Variants in CTNND2 observed in about 807,000 individuals in gnomAD.
CTNND2 encodes catenin delta 2.
CTNND2 carries 22 observed loss-of-function variants against 144.4 expected under a neutral mutation model. The observed-to-expected ratio is 0.15, with a 90% CI of 0.11 to 0.22. The LOEUF is 0.22. Ranked by LOEUF, CTNND2 falls within the 10% of genes least tolerant of loss-of-function variation. CTNND2 has a pLI of 1.00. For synonymous variants in CTNND2, 751 were observed against 695.6 expected, an observed-to-expected ratio of 1.08 and a Z score of -1.25; for missense variants, 1,353 against 1,618.8, an observed-to-expected ratio of 0.84 and a Z score of 2.82.
intron 3 of CTNND2, among the ~76,000 whole-genome samples, chr5:11,492,949 G>A (rs1554070624): frequency 1.3e-5 from 2 of 151,910 alleles, no homozygotes; most frequent in Admixed American, 6.6e-5. Context: ...GTGGGTGCCT[G>A]TAATCCCAGA....
intron 10 of CTNND2, among the ~76,000 whole-genome samples, chr5:11,226,894 T>C (rs755634414): frequency 1.1e-4 from 16 of 152,358 alleles, no homozygotes; most frequent in Non-Finnish European, 2.2e-4. Flanking sequence ...TCAGTGATTA[T>C]CTGTTGAATA....
At chr5:11,493,882 A>G (rs1048386519) in intron 3 of CTNND2, among the ~76,000 whole-genome samples, 1 of 152,200 alleles carries the variant, frequency 6.6e-6, no homozygotes, top group Non-Finnish European at 1.5e-5. Flanking sequence ...GAAAAAGGTT[A>G]AGGATATGAA....
At chr5:11,142,094 C>T (rs1756789909) in intron 12 of CTNND2, among the ~76,000 whole-genome samples, 1 of 152,120 alleles carries the variant, frequency 6.6e-6, no homozygotes, top group Admixed American at 6.5e-5. Flanking sequence ...TACTTCCCAG[C>T]CTCCAGATAC....
chr5:11,720,396 C>G (rs74507590), intron 2 of CTNND2, among the ~76,000 whole-genome samples: 2,147 of 152,258 alleles, frequency 0.014, 28 homozygotes, highest in African/African-American at 0.022. Flanking sequence ...AGATTCATAT[C>G]TGGCACAAGA....
chr5:11,121,549 A>C (rs957608385), intron 12 of CTNND2, among the ~76,000 whole-genome samples: 5 of 152,186 alleles, frequency 3.3e-5, no homozygotes, highest in South Asian at 2.1e-4. Flanking sequence ...TGGATTCTAT[A>C]ATCTTTTTAT....
intron 6 of CTNND2, among the ~76,000 whole-genome samples, chr5:11,391,399 C>A (rs1015352412): frequency 6.6e-6 from 1 of 152,134 alleles, no homozygotes; most frequent in East Asian, 1.9e-4. Flanking sequence ...GAAGAAATCA[C>A]CAACTCCAAA....
intron 10 of CTNND2, among the ~76,000 whole-genome samples, chr5:11,201,594 G>C (rs1028331979): frequency 6.6e-6 from 1 of 152,174 alleles, no homozygotes; most frequent in East Asian, 1.9e-4. Context: ...GAAATCTTCA[G>C]AGCACTCTTG....
At chr5:11,450,028 C>T (rs1765158802) in intron 3 of CTNND2, among the ~76,000 whole-genome samples, 1 of 152,228 alleles carries the variant, frequency 6.6e-6, no homozygotes, top group Admixed American at 6.5e-5. Context: ...TTAGAATAAA[C>T]TGAGTGCAAG....
intron 9 of CTNND2, among the ~76,000 whole-genome samples, chr5:11,281,638 T>C (rs185891811): frequency 1.2e-4 from 18 of 152,358 alleles, no homozygotes; most frequent in African/African-American, 4.1e-4. Context: ...GAGATCACAG[T>C]GTCAACAGAT....
intron 15 of CTNND2, among the ~76,000 whole-genome samples, chr5:11,089,413 A>G (rs1033342142): frequency 1.3e-4 from 20 of 152,248 alleles, no homozygotes; most frequent in African/African-American, 4.8e-4. Flanking sequence ...ATACTGCTAT[A>G]GCAGCATCTG....
At chr5:11,677,990 G>T (rs530705148) in intron 2 of CTNND2, among the ~76,000 whole-genome samples, 1 of 152,260 alleles carries the variant, frequency 6.6e-6, no homozygotes, top group East Asian at 1.9e-4. Flanking sequence ...CCCATAAACA[G>T]GTAGTGAACC....
At chr5:11,874,936 A>G (rs1735446155) in intron 1 of CTNND2, among the ~76,000 whole-genome samples, 1 of 152,018 alleles carries the variant, frequency 6.6e-6, no homozygotes, top group Non-Finnish European at 1.5e-5. Flanking sequence ...ATATGAAAGA[A>G]TGGAAATGTA....
At chr5:11,838,737 G>C (rs1292918944) in intron 1 of CTNND2, among the ~76,000 whole-genome samples, 1 of 152,112 alleles carries the variant, frequency 6.6e-6, no homozygotes, top group Non-Finnish European at 1.5e-5. Flanking sequence ...CAATTTAAGA[G>C]ATAAATTTTT....
chr5:11,225,096 C>A (rs564062305), intron 10 of CTNND2, among the ~76,000 whole-genome samples: 2 of 151,628 alleles, frequency 1.3e-5, no homozygotes, highest in South Asian at 2.1e-4. Context: ...ACAGCAACAA[C>A]AAAAAAAACC....
chr5:11,204,672 T>C (rs1474457867), intron 10 of CTNND2, among the ~76,000 whole-genome samples: 1 of 152,150 alleles, frequency 6.6e-6, no homozygotes, highest in Non-Finnish European at 1.5e-5. Context: ...AATGAGTAAT[T>C]TATAGCATAT....
intron 11 of CTNND2, among the ~76,000 whole-genome samples, chr5:11,177,116 G>C (rs993731270): frequency 2.6e-5 from 4 of 152,188 alleles, no homozygotes; most frequent in Non-Finnish European, 5.9e-5. Context: ...AACAGATGGA[G>C]TTTATAAATT....
chr5:11,584,525 T>C (rs1273942958), intron 2 of CTNND2, among the ~76,000 whole-genome samples: 2 of 151,994 alleles, frequency 1.3e-5, no homozygotes, highest in Non-Finnish European at 1.5e-5. Context: ...GAAAAATATT[T>C]ACACACTGGA....
At chr5:11,471,417 T>C (rs1767221011) in intron 3 of CTNND2, among the ~76,000 whole-genome samples, 1 of 152,218 alleles carries the variant, frequency 6.6e-6, no homozygotes, top group Non-Finnish European at 1.5e-5. Context: ...GTTTCTTCGA[T>C]TGTTTCTTTA....
At chr5:11,207,781 G>A (rs1256673464) in intron 10 of CTNND2, among the ~76,000 whole-genome samples, 2 of 152,148 alleles carry the variant, frequency 1.3e-5, no homozygotes, top group Non-Finnish European at 2.9e-5. Flanking sequence ...GAGAAAACCT[G>A]CCACTACTAT....
Sources: gnomAD v4.1 joint callset for allele counts (sites outside exome capture counted in the v4.1 genomes callset) on GRCh38, gnomAD v4.1.1 for gene constraint, MANE v1.5 for transcripts, NCBI Gene and HGNC (gene_info 2026-07-23, HGNC 2026-07-21) for gene names.